Variants in DNAH10 observed in about 807,000 individuals in gnomAD.
DNAH10 encodes dynein axonemal heavy chain 10, also known as axonemal beta dynein heavy chain 10.
Under a neutral mutation model 506.6 loss-of-function variants are expected in DNAH10, and 348 were observed. The ratio of observed to expected loss-of-function variants is 0.69; its 90% CI spans 0.63 to 0.75. The LOEUF is 0.75. Among genes scored for constraint, DNAH10 ranks in the 30% least tolerant of loss-of-function variants. The pLI is 0.00. For synonymous variants in DNAH10, 2,059 were observed against 2,198.6 expected, an observed-to-expected ratio of 0.94 and a Z score of 1.78; for missense variants, 5,179 against 5,787.1, an observed-to-expected ratio of 0.89 and a Z score of 3.41.
intron 52 of DNAH10, among the ~76,000 whole-genome samples, chr12:123,892,799 G>A (rs760661360): frequency 6.6e-6 from 1 of 152,188 alleles, no homozygotes; most frequent in African/African-American, 2.4e-5. Context: ...GGCTCTCCTG[G>A]GCACTGTGGG....
intron 2 of DNAH10, 129 bp downstream of exon 2, chr12:123,767,818 T>C (rs1957104365): frequency 1.3e-6 from 1 of 782,318 alleles, no homozygotes; most frequent in African/African-American, 1.7e-5. Context: ...GAGAAAGTGC[T>C]GGGTCATGAA....
intron 36 of DNAH10, among the ~76,000 whole-genome samples, chr12:123,855,071 C>A (rs1366301556): frequency 2.6e-5 from 4 of 152,150 alleles, no homozygotes; most frequent in Non-Finnish European, 5.9e-5. Context: ...TAGCAGAAGC[C>A]CCCGTCAGTT....
chr12:123,782,053 G>A (rs1365587427), intron 6 of DNAH10, among the ~76,000 whole-genome samples: 1 of 152,096 alleles, frequency 6.6e-6, no homozygotes, highest in Non-Finnish European at 1.5e-5. Context: ...CCTGCTGGAT[G>A]GATGTCTAGA....
rs1263818704 is a variant in DNAH10 at position 123,879,323 on chromosome 12, A to ACGAC, written c.8435_8438dup (p.Leu2814ProfsTer5). The ACGAC allele has an allele frequency of 6.3e-7, 1 of 1,576,454 alleles. No homozygotes were observed. Among genetic ancestry groups the ACGAC allele is most frequent in the East Asian group, 2.3e-5 (1 of 43,014 alleles). ...AGGAATGAGTGTCTGAGAGTCTTCCACGACCGGCTGATCAGTGAAACAGAC... is the reference window on the plus strand; with the variant it reads ...AGGAATGAGTGTCTGAGAGTCTTCCACGACCGACCGGCTGATCAGTGAAACAGAC... On this transcript the variant is annotated frameshift_variant, in exon 49 of 79. Coordinates refer to ENST00000673944, the MANE Select transcript of DNAH10 (RefSeq NM_001372106.1). LOFTEE classifies it high-confidence loss of function.
chr12:123,800,577 T>A (rs1433968522), intron 15 of DNAH10, among the ~76,000 whole-genome samples, 189 bp downstream of exon 15: 2 of 151,978 alleles, frequency 1.3e-5, no homozygotes, highest in Non-Finnish European at 2.9e-5. Context: ...TCTCAGCTAC[T>A]TGGGAGGCTT....
At chr12:123,802,613 G>T (rs60866398) in intron 16 of DNAH10, among the ~76,000 whole-genome samples, 6 of 151,460 alleles carry the variant, frequency 4.0e-5, no homozygotes, top group African/African-American at 1.2e-4. Flanking sequence ...GCCTTTTTTT[G>T]TTTTTGTTTT....
Position 123,870,366 on chromosome 12 carries a change from G to C in DNAH10, c.7520G>C (p.Gly2507Ala), listed in dbSNP as rs958266875. Residue 2507 changes from glycine (G) to alanine (A), a missense_variant and splice_region_variant, in exon 44 of 79, where the codon GGT becomes GCT. Physicochemically the swap from Gly to Ala is moderately conservative, Grantham distance 60. Around this residue, in one of 3 missense-constraint regions of DNAH10, gnomAD observed 4,844 missense variants for 5,430.5 expected, o/e 0.89. Transcript: ENST00000673944. Reference sequence around the variant, plus strand: ...TGAAATCAACCATGATTTCCTGCAGGTCAACTTCCAACCTTGTATGACTTT... The same window carrying C: ...TGAAATCAACCATGATTTCCTGCAGCTCAACTTCCAACCTTGTATGACTTT... ...GVWANPGELPGQLPTLYDFHF... is the reference protein window; with the variant it reads ...GVWANPGELPAQLPTLYDFHF... 6.2e-7 allele frequency: 1 copy of C among 1,612,752 alleles called. No individual in the cohort carries two copies. The highest frequency in any genetic ancestry group is 1.3e-5 in the African/African-American group (1 of 74,998).
chr12:123,896,146 CACAG>C (rs1457441077), intron 54 of DNAH10, among the ~76,000 whole-genome samples: 42 of 102,520 alleles, frequency 4.1e-4, no homozygotes, highest in Admixed American at 5.7e-4. Flanking sequence ...CACACACACA[CACAG>C]AGAGAGAGAG....
chr12:123,920,918 T>C (rs1256302010), intron 65 of DNAH10, among the ~76,000 whole-genome samples: 2 of 152,270 alleles, frequency 1.3e-5, no homozygotes, highest in East Asian at 3.9e-4. Context: ...TACAGGTGCA[T>C]GCCACCATGC....
intron 3 of DNAH10, 113 bp from the exon 4 acceptor site, chr12:123,772,721 A>C (rs982784214): frequency 1.3e-6 from 1 of 778,132 alleles, no homozygotes; most frequent in East Asian, 2.7e-5. Flanking sequence ...CATTGTCAGA[A>C]CATGAGACCA....
intron 9 of DNAH10, 137 bp downstream of exon 9, chr12:123,786,073 T>C (rs1447702049): frequency 2.8e-6 from 3 of 1,053,370 alleles, no homozygotes; most frequent in Non-Finnish European, 4.0e-6. Context: ...CTCTTATGGC[T>C]GGGCACAGTG....
At chr12:123,798,612 G>T (rs906413616) in intron 13 of DNAH10, among the ~76,000 whole-genome samples, 4 of 151,934 alleles carry the variant, frequency 2.6e-5, no homozygotes, top group Admixed American at 2.6e-4. Context: ...TATCACCATC[G>T]CAGACCAACT....
At chr12:123,874,269 A>G (rs77365219) in intron 46 of DNAH10, among the ~76,000 whole-genome samples, 2,063 of 46,366 alleles carry the variant, frequency 0.044, 24 homozygotes, top group Non-Finnish European at 0.056. Flanking sequence ...CCGTCCGTCC[A>G]TCCATCCATC....
In DNAH10 at chr12:123,919,400, G is replaced by A. The variant is rs1256192331; in HGVS notation, c.11506+451G>A. Among the ~76,000 whole-genome samples, 4 of 152,152 alleles carry A rather than the reference G, an allele frequency of 2.6e-5. No individual in the cohort carries two copies. Among genetic ancestry groups the A allele is most frequent in the East Asian group, 3.8e-4 (2 of 5,200 alleles). ...TCCGAATGGCATTCTTGAGTCTGGC[G>A]ATTCATGTTACAAGAGGAATGTTTA... is the stretch of plus-strand genomic sequence containing the variant. On this transcript the variant is annotated intron_variant, in intron 65 of 78. Coordinates refer to ENST00000673944, the MANE Select transcript of DNAH10 (RefSeq NM_001372106.1). The surrounding 1 kb of genome is among the most constrained non-coding windows in gnomAD (Gnocchi z 4.9).
At chr12:123,777,889 C>T (rs1957500020) in intron 5 of DNAH10, among the ~76,000 whole-genome samples, 1 of 151,998 alleles carries the variant, frequency 6.6e-6, no homozygotes, top group African/African-American at 2.4e-5. Flanking sequence ...TCTCAAACTC[C>T]TGGGCTCAAG....
chr12:123,784,816 A>G (rs1168084801), intron 8 of DNAH10, among the ~76,000 whole-genome samples: 2 of 152,164 alleles, frequency 1.3e-5, no homozygotes, highest in South Asian at 2.1e-4. Context: ...GGGACTTCAT[A>G]TAAGGGGAGT....
At chr12:123,833,422 C>A in intron 27 of DNAH10, 75 bp downstream of exon 27, 1 of 1,164,290 alleles carries the variant, frequency 8.6e-7, no homozygotes, top group Non-Finnish European at 1.2e-6. Context: ...ATATTTTGTG[C>A]TTAGAACTTT....
chr12:123,914,719 C>A, intron 61 of DNAH10, 133 bp from the exon 62 acceptor site: 1 of 1,418,270 alleles, frequency 7.1e-7, no homozygotes, highest in East Asian at 2.5e-5. Context: ...CGGAGCCCTT[C>A]TCCCTGGCCT....
intron 37 of DNAH10, among the ~76,000 whole-genome samples, chr12:123,858,707 T>C (rs1259299418): frequency 5.3e-5 from 8 of 152,184 alleles, no homozygotes; most frequent in Admixed American, 5.2e-4. Context: ...GATCCACTGC[T>C]GAAACAGAAT....
Sources: allele counts gnomAD v4.1 joint callset (sites outside exome capture counted in the v4.1 genomes callset), GRCh38; gene constraint gnomAD v4.1.1; regional missense constraint gnomAD v4.1.1; non-coding constraint Gnocchi (gnomAD v3.1); transcripts MANE v1.5; gene names NCBI Gene and HGNC (gene_info 2026-07-23, HGNC 2026-07-21).